The following SEC24A variants were observed in gnomAD, a reference collection of about 807,000 sequenced individuals.
SEC24A encodes SEC24 homolog A, COPII component.
Under a neutral mutation model 129.4 loss-of-function variants are expected in SEC24A, and 93 were observed. The ratio of observed to expected loss-of-function variants is 0.72; its 90% CI spans 0.61 to 0.85. SEC24A has a LOEUF of 0.85. SEC24A is among the 40% of genes least tolerant of loss of function. The pLI, the probability that SEC24A is intolerant of heterozygous loss-of-function variation, is 0.00. For synonymous variants in SEC24A, 460 were observed against 467.3 expected (o/e 0.98, Z 0.20); for missense variants, 1,264 against 1,307.4 (o/e 0.97, Z 0.51).
intron 12 of SEC24A, 91 bp downstream of exon 12, chr5:134,692,748 C>T: frequency 1.2e-6 from 1 of 859,702 alleles, no homozygotes; most frequent in Non-Finnish European, 1.9e-6. Flanking sequence ...TTGATTATTT[C>T]TGTGACATTT....
chr5:134,708,197 T>C (rs1435588941), intron 17 of SEC24A, among the ~76,000 whole-genome samples: 1 of 152,108 alleles, frequency 6.6e-6, no homozygotes, highest in Non-Finnish European at 1.5e-5. Flanking sequence ...GGGCTGGGCA[T>C]GGTGGTTTGT....
chr5:134,684,454 C>T (rs768073076), intron 9 of SEC24A, among the ~76,000 whole-genome samples: 2 of 151,814 alleles, frequency 1.3e-5, no homozygotes, highest in East Asian at 3.9e-4. Flanking sequence ...GGCTCACACC[C>T]GTAATCCCAG....
chr5:134,666,745 C>T, intron 2 of SEC24A, 78 bp from the exon 3 acceptor site: 2 of 1,134,536 alleles, frequency 1.8e-6, no homozygotes, highest in South Asian at 1.3e-5. Flanking sequence ...TTGGAAGTTA[C>T]TCAGCTTTGG....
chr5:134,649,466 G>A (rs1349805487), intron 1 of SEC24A, among the ~76,000 whole-genome samples: 2 of 152,092 alleles, frequency 1.3e-5, no homozygotes. Flanking sequence ...TCGAATATAA[G>A]GATCATAGTG....
At chr5:134,679,151 T>G (rs1751174071) in intron 7 of SEC24A, among the ~76,000 whole-genome samples, 1 of 152,128 alleles carries the variant, frequency 6.6e-6, no homozygotes, top group Non-Finnish European at 1.5e-5. Context: ...GGCTCAGTCA[T>G]GGCTCACTGC....
chr5:134,653,328 C>T lies in SEC24A; in HGVS notation c.97+4155C>T, dbSNP rs543036391. Among the ~76,000 whole-genome samples, 5 of 152,308 alleles carry T rather than the reference C, an allele frequency of 3.3e-5. No homozygotes were observed. The East Asian group carries it at 9.6e-4, about 29-fold the overall frequency. On this transcript the variant is annotated intron_variant, in intron 1 of 22. Coordinates refer to ENST00000398844, the MANE Select transcript of SEC24A (RefSeq NM_021982.3). ...GTAGTCACTTGATCATGGCTCACTG[C>T]AGCCTCGAACCTCCTGGCTGAAGTG...
chr5:134,666,619 G>A (rs1385567922), intron 2 of SEC24A, among the ~76,000 whole-genome samples: 1 of 150,862 alleles, frequency 6.6e-6, no homozygotes, highest in Non-Finnish European at 1.5e-5. Flanking sequence ...AAGGGAGGGA[G>A]GGAGAGAAGG....
At chr5:134,721,679 C>G (rs1219793689) in intron 21 of SEC24A, among the ~76,000 whole-genome samples, 2 of 152,020 alleles carry the variant, frequency 1.3e-5, no homozygotes, top group African/African-American at 4.8e-5. Context: ...TGAGACCACC[C>G]TAAGCAACAT....
At chr5:134,653,434 GA>G (rs1168899690) in intron 1 of SEC24A, among the ~76,000 whole-genome samples, 2 of 152,036 alleles carry the variant, frequency 1.3e-5, no homozygotes, top group African/African-American at 4.8e-5. Context: ...GTTTTTTTTA[GA>G]AAACAGAGCT....
intron 2 of SEC24A, among the ~76,000 whole-genome samples, chr5:134,666,272 T>C (rs1750655206): frequency 6.6e-6 from 1 of 151,392 alleles, no homozygotes; most frequent in Non-Finnish European, 1.5e-5. Context: ...TTGTAAAATA[T>C]GGTCCGGGCA....
intron 9 of SEC24A, among the ~76,000 whole-genome samples, chr5:134,685,311 T>C (rs1055240432): frequency 1.3e-5 from 2 of 151,556 alleles, no homozygotes; most frequent in Non-Finnish European, 2.9e-5. Flanking sequence ...CAGTGAGCTG[T>C]GATTGCATTG....
chr5:134,658,186 G>A (rs1482563839), intron 1 of SEC24A, among the ~76,000 whole-genome samples: 3 of 152,088 alleles, frequency 2.0e-5, no homozygotes, highest in Non-Finnish European at 4.4e-5. Flanking sequence ...CAGGAGAATC[G>A]CCTGAACCCA....
At chr5:134,689,985 G>C (rs527690228) in intron 11 of SEC24A, among the ~76,000 whole-genome samples, 8 of 152,156 alleles carry the variant, frequency 5.3e-5, no homozygotes, top group South Asian at 4.1e-4. Context: ...CAGGGGCTGG[G>C]GGGGGAGGGC....
rs754676497 is a variant in SEC24A at position 134,715,092 on chromosome 5, C to G, written c.2796C>G (p.Asn932Lys). 2 of 1,612,130 alleles carry G rather than the reference C, an allele frequency of 1.2e-6. No individual in the cohort carries two copies. Among genetic ancestry groups the G allele is most frequent in the African/African-American group, 1.3e-5 (1 of 74,836 alleles). Residue 932 changes from asparagine to lysine, a missense_variant, in exon 19 of 23, where the codon AAC becomes AAG. By Grantham distance (94) the Asn-to-Lys change is moderately conservative. Coordinates refer to ENST00000398844, the MANE Select transcript of SEC24A (RefSeq NM_021982.3). ...TTTTTGCTATGTGTCAAGTGAAAAA[C>G]CAGCCCTTGGTTTACCTTATGCTCA... ...ERIFAMCQVKNQPLVYLMLTT... is the reference protein window; with the variant it reads ...ERIFAMCQVKKQPLVYLMLTT...
intron 17 of SEC24A, among the ~76,000 whole-genome samples, chr5:134,708,375 A>G (rs995221600): frequency 2.0e-5 from 3 of 152,230 alleles, no homozygotes; most frequent in African/African-American, 7.2e-5. Context: ...GCATTTCAGG[A>G]AACACAGGAA....
At chr5:134,671,051 G>C (rs1257960692) in intron 3 of SEC24A, among the ~76,000 whole-genome samples, 2 of 151,532 alleles carry the variant, frequency 1.3e-5, no homozygotes, top group African/African-American at 4.8e-5. Flanking sequence ...TTCTTTTTTT[G>C]TTTGTTTTTT....
intron 8 of SEC24A, among the ~76,000 whole-genome samples, chr5:134,681,413 AAAAC>A (rs1751266026): frequency 6.7e-6 from 1 of 150,212 alleles, no homozygotes; most frequent in African/African-American, 2.5e-5. Context: ...ACAAACAAAT[AAAAC>A]AAAACAAAAA....
intron 18 of SEC24A, among the ~76,000 whole-genome samples, chr5:134,710,610 A>T (rs149423877): frequency 3.3e-5 from 5 of 152,068 alleles, no homozygotes; most frequent in African/African-American, 1.2e-4. Context: ...GGACTTCCAT[A>T]TCCTTGTCTT....
At chr5:134,690,360 T>C (rs1208222076) in intron 11 of SEC24A, among the ~76,000 whole-genome samples, 1 of 152,120 alleles carries the variant, frequency 6.6e-6, no homozygotes, top group Non-Finnish European at 1.5e-5. Context: ...GTTGCCCATG[T>C]TGCAGTGCAA....
Sources: allele counts gnomAD v4.1 joint callset (sites outside exome capture counted in the v4.1 genomes callset), GRCh38; gene constraint gnomAD v4.1.1; transcripts MANE v1.5; gene names NCBI Gene and HGNC (gene_info 2026-07-23, HGNC 2026-07-21).